Variants in CRB1 observed in about 807,000 individuals in gnomAD.
The protein encoded by CRB1 is crumbs cell polarity complex component 1.
CRB1 carries 83 observed loss-of-function variants against 120.0 expected under a neutral mutation model. The observed-to-expected ratio is 0.69, with a 90% CI of 0.58 to 0.83. CRB1 has a LOEUF of 0.83. Among genes scored for constraint, CRB1 ranks in the 40% least tolerant of loss-of-function variants. CRB1 has a pLI of 0.00. For missense variants in CRB1, 1,699 were observed against 1,687.6 expected, an observed-to-expected ratio of 1.01 and a Z score of -0.12; for synonymous variants, 625 against 612.5, an observed-to-expected ratio of 1.02 and a Z score of -0.30.
intron 5 of CRB1, chr1:197,357,951 G>A (rs1480536923): frequency 2.0e-5 from 3 of 152,148 alleles, no homozygotes; most frequent in Non-Finnish European, 2.9e-5. Context: ...GTCAATATCA[G>A]GAAAGTGGTA....
upstream of CRB1, among the ~76,000 whole-genome samples, chr1:197,267,409 G>A (rs991489705): frequency 6.6e-5 from 10 of 151,992 alleles, no homozygotes; most frequent in Admixed American, 2.6e-4. Context: ...TTAGAGACAT[G>A]GGCAGAAAAT....
the CRB1 span, among the ~76,000 whole-genome samples, chr1:197,234,764 C>T: frequency 2.0e-5 from 3 of 152,204 alleles, no homozygotes; most frequent in African/African-American, 7.2e-5. Context: ...GGCTCCCATT[C>T]ACCAAGCTTA....
upstream of CRB1, among the ~76,000 whole-genome samples, chr1:197,265,253 T>A (rs1405976246): frequency 2.0e-5 from 3 of 152,128 alleles, no homozygotes; most frequent in East Asian, 1.9e-4. Flanking sequence ...TCTGAACTAC[T>A]CTTTTCTTTA....
At chr1:197,416,925 G>A (rs547552867) in intron 5 of CRB1, among the ~76,000 whole-genome samples, 1 of 152,236 alleles carries the variant, frequency 6.6e-6, no homozygotes, top group East Asian at 1.9e-4. Context: ...GGTCAAGCTG[G>A]TCTCAAACTC....
chr1:197,342,940 C>T (rs965181047), intron 2 of CRB1, among the ~76,000 whole-genome samples: 1 of 152,196 alleles, frequency 6.6e-6, no homozygotes, highest in Non-Finnish European at 1.5e-5. Flanking sequence ...CATGGAAAAT[C>T]TCATTCACAG....
intron 8 of CRB1, among the ~76,000 whole-genome samples, chr1:197,430,649 A>G (rs1251348294): frequency 6.6e-6 from 1 of 152,114 alleles, no homozygotes; most frequent in Non-Finnish European, 1.5e-5. Flanking sequence ...AGGTTTCTAC[A>G]CAAACATCCT....
chr1:197,240,802 A>G, the CRB1 span, among the ~76,000 whole-genome samples: 1 of 152,204 alleles, frequency 6.6e-6, no homozygotes, highest in East Asian at 1.9e-4. Flanking sequence ...TGTCTTCCAC[A>G]ATGGTTGAAC....
At chr1:197,398,723 T>C (rs1226212277) in intron 5 of CRB1, among the ~76,000 whole-genome samples, 1 of 152,094 alleles carries the variant, frequency 6.6e-6, no homozygotes, top group African/African-American at 2.4e-5. Flanking sequence ...TGGAAAATAA[T>C]AAGTTTGATA....
At chr1:197,311,422 C>T (rs139817678) in intron 1 of CRB1, among the ~76,000 whole-genome samples, 13 of 152,268 alleles carry the variant, frequency 8.5e-5, no homozygotes, top group East Asian at 1.9e-4. Context: ...AGGAAACAAA[C>T]GTTCCGTTGT....
At chr1:197,404,246 C>G (rs1663215515) in intron 5 of CRB1, among the ~76,000 whole-genome samples, 2 of 151,972 alleles carry the variant, frequency 1.3e-5, no homozygotes, top group South Asian at 4.2e-4. Context: ...GGGCTCTGAG[C>G]CTAATTGCAT....
intron 4 of CRB1, among the ~76,000 whole-genome samples, chr1:197,348,817 T>G (rs1659926604): frequency 6.6e-6 from 1 of 152,178 alleles, no homozygotes; most frequent in Admixed American, 6.5e-5. Context: ...GTGTTTGTGA[T>G]TTAAGCTAAG....
intron 1 of CRB1, among the ~76,000 whole-genome samples, chr1:197,305,702 A>G (rs1490480306): frequency 6.6e-6 from 1 of 151,990 alleles, no homozygotes; most frequent in Non-Finnish European, 1.5e-5. Flanking sequence ...GATAATCAAT[A>G]TTAACTGCAC....
chr1:197,393,415 C>T (rs1662609380), intron 5 of CRB1, among the ~76,000 whole-genome samples: 1 of 152,044 alleles, frequency 6.6e-6, no homozygotes. Flanking sequence ...GCTACAGTGG[C>T]TCAGTAGCTA....
At chr1:197,440,639 G>A (rs925345119) in intron 10 of CRB1, 2 of 152,242 alleles carry the variant, frequency 1.3e-5, no homozygotes, top group Non-Finnish European at 2.9e-5. Context: ...AAATAGGTGA[G>A]AAAGTGATGG....
chr1:197,465,163 G>T (rs994953808), intron 11 of CRB1, among the ~76,000 whole-genome samples: 2 of 152,108 alleles, frequency 1.3e-5, no homozygotes, highest in South Asian at 2.1e-4. Flanking sequence ...TTTATAGCAG[G>T]TTATTAAATT....
At chr1:197,423,156 TAAC>T (rs1317899563) in intron 6 of CRB1, among the ~76,000 whole-genome samples, 3 of 152,190 alleles carry the variant, frequency 2.0e-5, no homozygotes, top group African/African-American at 7.2e-5. Context: ...ATATACAAAA[TAAC>T]AAACAGATGC....
chr1:197,316,371 A>T (rs1247322235), intron 1 of CRB1, among the ~76,000 whole-genome samples: 2 of 144,180 alleles, frequency 1.4e-5, no homozygotes, highest in African/African-American at 5.2e-5. Flanking sequence ...TTTTTAGTAG[A>T]TACGGGGTTT....
chr1:197,209,697 G>A, the CRB1 span, among the ~76,000 whole-genome samples: 8 of 152,102 alleles, frequency 5.3e-5, no homozygotes, highest in Non-Finnish European at 1.0e-4. Context: ...CCAAAAACCC[G>A]TGTGAGACAA....
At chr1:197,228,170 T>C in the CRB1 span, among the ~76,000 whole-genome samples, 1 of 152,156 alleles carries the variant, frequency 6.6e-6, no homozygotes, top group African/African-American at 2.4e-5. Context: ...CCCCCTTGTT[T>C]TGGGGATTAA....
Sources: allele counts gnomAD v4.1 joint callset (sites outside exome capture counted in the v4.1 genomes callset), GRCh38; gene constraint gnomAD v4.1.1; transcripts MANE v1.5; gene names NCBI Gene and HGNC (gene_info 2026-07-23, HGNC 2026-07-21).